FBXO28: variants seen among roughly 807,000 people sequenced by gnomAD.
The protein encoded by FBXO28 is F-box only protein 28.
A neutral mutation model predicts 38.1 loss-of-function variants in FBXO28; 8 were observed. The ratio of observed to expected loss-of-function variants is 0.21; its 90% CI spans 0.12 to 0.38. The LOEUF (loss-of-function observed/expected upper bound fraction) is 0.38, where lower values mean the gene tolerates loss of function less well. Among genes scored for constraint, FBXO28 ranks in the 10% least tolerant of loss-of-function variants. The pLI, the probability that FBXO28 is intolerant of heterozygous loss-of-function variation, is 1.00. For missense variants in FBXO28, 345 were observed against 460.6 expected, an observed-to-expected ratio of 0.75 and a Z score of 2.30; for synonymous variants, 168 against 173.8, an observed-to-expected ratio of 0.97 and a Z score of 0.26.
chr1:224,122,009 C>T (rs778399629), intron 1 of FBXO28, among the ~76,000 whole-genome samples: 27 of 151,948 alleles, frequency 1.8e-4, no homozygotes, highest in Non-Finnish European at 2.9e-4. Context: ...CTCCTGACCT[C>T]GTGATCCACC....
intron 2 of FBXO28, 124 bp from the exon 3 acceptor site, chr1:224,133,950 C>T: frequency 4.7e-6 from 3 of 632,824 alleles, no homozygotes; most frequent in Non-Finnish European, 7.3e-6. Flanking sequence ...AATTATGACC[C>T]AACTGTAGAT....
chr1:224,137,505 GAGCGAGACTCTGTCTCA>G (rs1558191831), intron 3 of FBXO28, among the ~76,000 whole-genome samples: 3 of 151,604 alleles, frequency 2.0e-5, no homozygotes, highest in African/African-American at 7.3e-5. Context: ...CCTGGCAACA[GAGCGAGACTCTGTCTCA>G]GCAAAAAAAA....
intron 1 of FBXO28, among the ~76,000 whole-genome samples, chr1:224,129,411 A>G (rs370750166): frequency 6.6e-6 from 1 of 152,240 alleles, no homozygotes; most frequent in South Asian, 2.1e-4. Flanking sequence ...TCCATAGTTA[A>G]GCCAGATCAC....
chr1:224,127,154 T>C (rs966503674), intron 1 of FBXO28, among the ~76,000 whole-genome samples: 1 of 143,892 alleles, frequency 6.9e-6, no homozygotes, highest in African/African-American at 2.6e-5. Context: ...GTCCATAAGA[T>C]GTAAAGTATT....
At chr1:224,123,941 T>C (rs1656843442) in intron 1 of FBXO28, among the ~76,000 whole-genome samples, 1 of 148,246 alleles carries the variant, frequency 6.7e-6, no homozygotes, top group Admixed American at 6.8e-5. Flanking sequence ...AAACCCTGTC[T>C]CTACTAAAAA....
intron 3 of FBXO28, among the ~76,000 whole-genome samples, chr1:224,147,148 G>T (rs1357854547): frequency 1.3e-5 from 2 of 151,858 alleles, no homozygotes; most frequent in Admixed American, 1.3e-4. Flanking sequence ...ACAATTGCCG[G>T]ATGCGGTGGC....
chr1:224,147,109 A>C (rs550220269), intron 3 of FBXO28, among the ~76,000 whole-genome samples: 4 of 152,240 alleles, frequency 2.6e-5, no homozygotes, highest in Non-Finnish European at 5.9e-5. Flanking sequence ...CTCTGTCAAA[A>C]AATATATATG....
At chr1:224,114,489 G>C (rs1572001245) in intron 1 of FBXO28, 93 bp downstream of exon 1, 4 of 1,102,844 alleles carry the variant, frequency 3.6e-6, no homozygotes, top group Non-Finnish European at 5.1e-6. Flanking sequence ...GGAGCCCCCC[G>C]CGAGCCCCAG....
rs1418983301 is a variant in FBXO28 at position 224,160,020 on chromosome 1, A to G, written c.*2274A>G. 1 of 152,198 alleles carries G rather than the reference A, an allele frequency of 6.6e-6. No homozygotes were observed. Among genetic ancestry groups the G allele is most frequent in the African/African-American group, 2.4e-5 (1 of 41,458 alleles). 9.4% of individuals were successfully genotyped at this position (152,198 alleles called of 1,614,324 possible). On this transcript the variant is annotated 3_prime_UTR_variant, in exon 5 of 5. Coordinates refer to ENST00000366862, the MANE Select transcript of FBXO28 (RefSeq NM_015176.4). The stretch of plus-strand genomic sequence containing the variant: ...ATAAAGCTAATTCATTGTACTTGTT[A>G]ATGCATGAATGTTCCATGCAGTAGG...
At chr1:224,139,469 C>G (rs951260677) in intron 3 of FBXO28, among the ~76,000 whole-genome samples, 1 of 151,794 alleles carries the variant, frequency 6.6e-6, no homozygotes, top group Non-Finnish European at 1.5e-5. Context: ...TTTGGCCGAG[C>G]ACAGTGGCTC....
chr1:224,120,211 A>G (rs1656739846), intron 1 of FBXO28, among the ~76,000 whole-genome samples: 1 of 152,196 alleles, frequency 6.6e-6, no homozygotes, highest in Non-Finnish European at 1.5e-5. Context: ...GTTTCCCTTA[A>G]ACACCTACTT....
At chr1:224,114,502 G>A (rs1572001248) in intron 1 of FBXO28, 106 bp downstream of exon 1, 2 of 1,007,636 alleles carry the variant, frequency 2.0e-6, no homozygotes, top group Non-Finnish European at 1.4e-6. Context: ...AGCCCCAGCC[G>A]GCTACAGATC....
intron 1 of FBXO28, among the ~76,000 whole-genome samples, chr1:224,128,844 C>T (rs976697104): frequency 2.6e-4 from 40 of 151,668 alleles, no homozygotes; most frequent in African/African-American, 6.3e-4. Flanking sequence ...AAATTAGCTG[C>T]GCGGGGTGGT....
intron 4 of FBXO28, among the ~76,000 whole-genome samples, chr1:224,155,524 A>T (rs928200737): frequency 9.9e-5 from 15 of 152,224 alleles, no homozygotes; most frequent in African/African-American, 3.4e-4. Flanking sequence ...CATCTGTGCT[A>T]AATAACTGTT....
intron 1 of FBXO28, among the ~76,000 whole-genome samples, chr1:224,123,975 T>A (rs1656844845): frequency 1.3e-5 from 2 of 152,014 alleles, no homozygotes; most frequent in South Asian, 4.1e-4. Context: ...CCGGGCGTGG[T>A]GGGAGGTGCC....
chr1:224,133,829 AT>A (rs869143977), intron 2 of FBXO28, among the ~76,000 whole-genome samples: 10 of 108 alleles, frequency 0.093, no homozygotes, highest in South Asian at 0.12. Flanking sequence ...CCTAATTAAA[AT>A]ATATATATAT....
intron 1 of FBXO28, among the ~76,000 whole-genome samples, chr1:224,123,080 T>TAA (rs3835628): frequency 2.0e-5 from 3 of 150,820 alleles, no homozygotes; most frequent in Admixed American, 1.3e-4. Flanking sequence ...TTTCTCACTT[T>TAA]AAAAAAAAAG....
chr1:224,152,532 C>G (rs1332577671), intron 3 of FBXO28, among the ~76,000 whole-genome samples: 1 of 152,172 alleles, frequency 6.6e-6, no homozygotes, highest in Non-Finnish European at 1.5e-5. Context: ...TCCCCAGTTA[C>G]ACTGTGATTT....
At position 224,146,777 on chromosome 1, in the gene FBXO28, G is replaced by T. The variant is rs374026510; in HGVS notation, c.517-6365G>T. 1.1e-3 allele frequency among the ~76,000 whole-genome samples: 159 copies of T among 147,388 alleles called. 1 individual carries two copies. The East Asian group carries it at 0.018, about 16-fold the overall frequency. On this transcript the variant is annotated intron_variant, in intron 3 of 4. Coordinates refer to ENST00000366862, the MANE Select transcript of FBXO28 (RefSeq NM_015176.4). Reference sequence around the variant, plus strand: ...GGCTGGAGTGCAGTGGCACGATCTGGGTTTGCTGCAACCTCTGCCTCCCAG... The same window carrying T: ...GGCTGGAGTGCAGTGGCACGATCTGTGTTTGCTGCAACCTCTGCCTCCCAG...
Sources: gnomAD v4.1 joint callset for allele counts (sites outside exome capture counted in the v4.1 genomes callset) on GRCh38, gnomAD v4.1.1 for gene constraint, MANE v1.5 for transcripts, NCBI Gene and HGNC (gene_info 2026-07-23, HGNC 2026-07-21) for gene names.